Variants in GRIN3A observed in about 807,000 individuals in gnomAD.
GRIN3A encodes the protein glutamate receptor ionotropic, NMDA 3A.
Under a neutral mutation model 92.4 loss-of-function variants are expected in GRIN3A, and 47 were observed. The observed-to-expected ratio is 0.51, with a 90% CI of 0.40 to 0.65. GRIN3A has a LOEUF of 0.65. Ranked by LOEUF, GRIN3A falls within the 30% of genes least tolerant of loss-of-function variation. The pLI is 0.00. For synonymous variants in GRIN3A, 527 were observed against 540.6 expected (o/e 0.97, Z 0.35); for missense variants, 1,324 against 1,393.1 (o/e 0.95, Z 0.79).
At chr9:101,581,881 A>C (rs1827892002) in intron 6 of GRIN3A, among the ~76,000 whole-genome samples, 2 of 152,256 alleles carry the variant, frequency 1.3e-5, no homozygotes, top group Non-Finnish European at 2.9e-5. Context: ...TGTAAGGCAC[A>C]ATTCTGAGCA....
intron 5 of GRIN3A, among the ~76,000 whole-genome samples, chr9:101,618,235 A>G (rs1157645173): frequency 6.8e-6 from 1 of 147,024 alleles, no homozygotes; most frequent in East Asian, 1.9e-4. Context: ...AGAAACTACC[A>G]TCAGAGTGAC....
At chr9:101,677,249 T>G (rs1829409865) in intron 2 of GRIN3A, among the ~76,000 whole-genome samples, 1 of 152,086 alleles carries the variant, frequency 6.6e-6, no homozygotes, top group Admixed American at 6.5e-5. Context: ...ATTATTCTCA[T>G]TTTACACCTC....
chr9:101,582,342 G>C (rs1010461899), intron 6 of GRIN3A, among the ~76,000 whole-genome samples: 1 of 152,176 alleles, frequency 6.6e-6, no homozygotes, highest in Non-Finnish European at 1.5e-5. Flanking sequence ...ACTAGTGTTA[G>C]GGTCCCTAGA....
rs372499021 is a variant in GRIN3A at position 101,579,034 on chromosome 9, T to C, written c.2931+162A>G. Reference sequence around the variant, plus strand: ...GCCTTAATTTAAGGGAAAAGTGAATTAATGGGATAGAGAGAATTCCTTCTG... The same window carrying C: ...GCCTTAATTTAAGGGAAAAGTGAATCAATGGGATAGAGAGAATTCCTTCTG... On this transcript the variant is annotated intron_variant, in intron 7 of 8. Coordinates refer to ENST00000361820, the MANE Select transcript of GRIN3A (RefSeq NM_133445.3). Among the ~76,000 whole-genome samples the C allele has an allele frequency of 2.0e-5, 3 of 152,232 alleles. No homozygotes were observed. The East Asian group carries it at 5.8e-4, about 29-fold the overall frequency.
At chr9:101,600,175 G>C (rs1828193112) in intron 6 of GRIN3A, among the ~76,000 whole-genome samples, 1 of 152,184 alleles carries the variant, frequency 6.6e-6, no homozygotes, top group African/African-American at 2.4e-5. Flanking sequence ...AAATGAGATA[G>C]ATTATAAGAA....
At chr9:101,627,639 C>T (rs553713147) in intron 4 of GRIN3A, among the ~76,000 whole-genome samples, 4 of 152,220 alleles carry the variant, frequency 2.6e-5, no homozygotes, top group East Asian at 1.9e-4. Flanking sequence ...ACAGAACAGA[C>T]CCATCACTGC....
At chr9:101,647,405 T>C (rs776644317) in intron 3 of GRIN3A, among the ~76,000 whole-genome samples, 61 of 152,076 alleles carry the variant, frequency 4.0e-4, no homozygotes, top group Non-Finnish European at 8.0e-4. Context: ...TAGCACTTTG[T>C]TGAGGATTTT....
At chr9:101,596,473 C>G (rs1441103246) in intron 6 of GRIN3A, among the ~76,000 whole-genome samples, 1 of 152,142 alleles carries the variant, frequency 6.6e-6, no homozygotes, top group African/African-American at 2.4e-5. Flanking sequence ...TTACAAGATG[C>G]CTAAAATCAG....
At chr9:101,573,560 C>G in intron 8 of GRIN3A, 47 bp from the exon 9 acceptor site, 1 of 1,424,130 alleles carries the variant, frequency 7.0e-7, no homozygotes, top group Non-Finnish European at 9.9e-7. Context: ...CTGCAGCTCT[C>G]AAGGTGCTGT....
chr9:101,635,090 C>T (rs1325395116), intron 3 of GRIN3A, among the ~76,000 whole-genome samples: 2 of 152,174 alleles, frequency 1.3e-5, no homozygotes, highest in African/African-American at 2.4e-5. Context: ...TAAATTTAAG[C>T]AGTTTGCTGC....
chr9:101,688,631 A>C (rs1306914026), intron 1 of GRIN3A, among the ~76,000 whole-genome samples: 1 of 152,100 alleles, frequency 6.6e-6, no homozygotes, highest in Non-Finnish European at 1.5e-5. Flanking sequence ...TTTAAAATTA[A>C]AAAGGATTGG....
At chr9:101,621,514 C>T (rs1828555713) in intron 5 of GRIN3A, among the ~76,000 whole-genome samples, 2 of 152,156 alleles carry the variant, frequency 1.3e-5, no homozygotes, top group Admixed American at 6.5e-5. Flanking sequence ...ACAATATTCT[C>T]TCAATTAAAA....
chr9:101,685,178 CTT>C (rs1829516504), intron 2 of GRIN3A, among the ~76,000 whole-genome samples: 1 of 152,178 alleles, frequency 6.6e-6, no homozygotes, highest in East Asian at 1.9e-4. Context: ...TGTGTTCAGT[CTT>C]TCACTTTTCC....
At chr9:101,623,985 A>G (rs894156298) in intron 4 of GRIN3A, among the ~76,000 whole-genome samples, 11 of 152,228 alleles carry the variant, frequency 7.2e-5, no homozygotes, top group Non-Finnish European at 1.5e-4. Flanking sequence ...GAGAAGTTTT[A>G]AAAGGAAATA....
intron 5 of GRIN3A, 43 bp downstream of exon 5, chr9:101,623,275 G>T: frequency 7.5e-7 from 1 of 1,341,900 alleles, no homozygotes; most frequent in African/African-American, 1.4e-5. Flanking sequence ...GGCAAACTGA[G>T]CACATCCTGA....
intron 3 of GRIN3A, among the ~76,000 whole-genome samples, chr9:101,647,950 C>T (rs572690646): frequency 6.6e-6 from 1 of 151,760 alleles, no homozygotes; most frequent in African/African-American, 2.4e-5. Flanking sequence ...TTTTGTTGAT[C>T]TTTTGTATTT....
At chr9:101,721,348 A>AG in intron 1 of GRIN3A, among the ~76,000 whole-genome samples, 1 of 152,188 alleles carries the variant, frequency 6.6e-6, no homozygotes, top group Admixed American at 6.5e-5. Flanking sequence ...AGACATGTGG[A>AG]ACTGTAGGTT....
chr9:101,708,214 C>G (rs1029925850), intron 1 of GRIN3A, among the ~76,000 whole-genome samples: 2 of 152,094 alleles, frequency 1.3e-5, no homozygotes, highest in African/African-American at 4.8e-5. Flanking sequence ...CAATGGATCA[C>G]TAAGTAACTA....
At chr9:101,694,646 A>G (rs1391685750) in intron 1 of GRIN3A, among the ~76,000 whole-genome samples, 1 of 152,050 alleles carries the variant, frequency 6.6e-6, no homozygotes, top group Non-Finnish European at 1.5e-5. Flanking sequence ...CTCCCAGCCC[A>G]CTCATATAAA....
Sources: allele counts gnomAD v4.1 joint callset (sites outside exome capture counted in the v4.1 genomes callset), GRCh38; gene constraint gnomAD v4.1.1; transcripts MANE v1.5; gene names NCBI Gene and HGNC (gene_info 2026-07-23, HGNC 2026-07-21).